The following PEAK1 variants were observed in gnomAD, a reference collection of about 807,000 sequenced individuals.
PEAK1 encodes the protein inactive tyrosine-protein kinase PEAK1.
Under a neutral mutation model 124.7 loss-of-function variants are expected in PEAK1, and 54 were observed. That is an observed-to-expected ratio of 0.43 (90% CI 0.35 to 0.54). The LOEUF is 0.54. Among genes scored for constraint, PEAK1 ranks in the 20% least tolerant of loss-of-function variants. The probability of loss-of-function intolerance (pLI) is 0.01; values close to 1 mark genes in which losing one functional copy is unlikely to be tolerated. For missense variants in PEAK1, 2,046 were observed against 2,134.5 expected (o/e 0.96, Z 0.82); for synonymous variants, 719 against 760.0 (o/e 0.95, Z 0.89).
At chr15:77,249,513 T>C (rs1482322752) in intron 6 of PEAK1, among the ~76,000 whole-genome samples, 1 of 152,146 alleles carries the variant, frequency 6.6e-6, no homozygotes, top group Non-Finnish European at 1.5e-5. Context: ...CTGATTCTAT[T>C]CTCTCTTCAA....
At position 77,180,249 on chromosome 15, in the gene PEAK1, G is replaced by A. The variant is rs879124877; in HGVS notation, c.1678C>T (p.Pro560Ser). The A allele has an allele frequency of 6.2e-7, 1 of 1,614,162 alleles. No homozygotes were observed. Among genetic ancestry groups the A allele is most frequent in the Non-Finnish European group, 8.5e-7 (1 of 1,180,026 alleles). Residue 560 changes from proline to serine, a missense_variant, in exon 7 of 10, where the codon CCT becomes TCT. Coordinates refer to ENST00000682557, the MANE Select transcript of PEAK1 (RefSeq NM_001385026.1). ...GATTTGTGACAGTTTTTCCTTGGAG[G>A]AACATTTGGTCCAGTTCCACTAGTA... ...LITSGTGPNV[P>S]PRKNCHKSAP...
intron 2 of PEAK1, among the ~76,000 whole-genome samples, chr15:77,324,657 C>A (rs967276298): frequency 3.3e-5 from 5 of 152,072 alleles, no homozygotes; most frequent in African/African-American, 1.2e-4. Context: ...AGGAAGCTTA[C>A]AATCATGGCA....
chr15:77,247,433 T>C lies in PEAK1; in HGVS notation c.-115+4934A>G, dbSNP rs116925898. On this transcript the variant is annotated intron_variant, in intron 6 of 9. Transcript: ENST00000682557. Reference sequence around the variant, plus strand: ...GCAGTATCTAACCACTGAGTAATTATATGGGTCATATGGGGTTTTTAATTT... The same window carrying C: ...GCAGTATCTAACCACTGAGTAATTACATGGGTCATATGGGGTTTTTAATTT... 1.6e-3 allele frequency among the ~76,000 whole-genome samples: 247 copies of C among 151,798 alleles called. 5 individuals carry two copies. In the East Asian group the frequency reaches 0.041, roughly 25 times the overall value.
At chr15:77,129,560 C>T (rs572100517) in intron 9 of PEAK1, among the ~76,000 whole-genome samples, 20 of 151,100 alleles carry the variant, frequency 1.3e-4, no homozygotes, top group African/African-American at 2.9e-4. Flanking sequence ...CTCAGCCTCC[C>T]GAGTAACTGG....
chr15:77,352,526 A>G, intron 2 of PEAK1: 1 of 978,982 alleles, frequency 1.0e-6, no homozygotes, highest in Non-Finnish European at 1.2e-6. Context: ...AAAAATACAT[A>G]CATTTTAAAT....
chr15:77,114,972 C>T lies in PEAK1; in HGVS notation c.4425G>A (p.Val1475=). ...EVPCLTVADF[V]RDSLAQHGKS... ...TCCCATGCTGGGCCAGAGAGTCTCG[C>T]ACAAAATCAGCCACAGTAAGACATG... The change falls in exon 10 of 10, where the codon GTG becomes GTA. Residue 1475 remains valine (V), a synonymous_variant. Transcript: ENST00000682557. The T allele has an allele frequency of 1.9e-6, 3 of 1,614,124 alleles. No individual in the cohort carries two copies. The highest frequency in any genetic ancestry group is 2.5e-6 in the Non-Finnish European group (3 of 1,180,032).
At chr15:77,137,247 T>C (rs1596315319) in intron 8 of PEAK1, among the ~76,000 whole-genome samples, 1 of 151,976 alleles carries the variant, frequency 6.6e-6, no homozygotes, top group Non-Finnish European at 1.5e-5. Context: ...AAATGTGGGG[T>C]CGGAGCCCCC....
chr15:77,373,234 C>A (rs541710861), intron 1 of PEAK1, among the ~76,000 whole-genome samples: 19 of 152,260 alleles, frequency 1.2e-4, no homozygotes, highest in African/African-American at 4.6e-4. Flanking sequence ...TTGTTATTTT[C>A]CCCTTTGCTT....
intron 2 of PEAK1, among the ~76,000 whole-genome samples, chr15:77,316,941 C>T (rs1246165927): frequency 2.0e-5 from 3 of 151,894 alleles, no homozygotes; most frequent in East Asian, 3.9e-4. Flanking sequence ...ATTAGCTGGG[C>T]GTGGTGGCGT....
chr15:77,142,314 T>A (rs928909113), intron 8 of PEAK1, among the ~76,000 whole-genome samples: 27 of 152,170 alleles, frequency 1.8e-4, no homozygotes, highest in Non-Finnish European at 2.1e-4. Context: ...CACAGGCAAG[T>A]GTTGGTGAGG....
chr15:77,417,813 T>G (rs2073010840), intron 1 of PEAK1: 2 of 985,462 alleles, frequency 2.0e-6, no homozygotes, highest in South Asian at 4.7e-5. Flanking sequence ...GAAGAGTTAT[T>G]ATATGAAATG....
chr15:77,115,824 A>G (rs1424183517), intron 9 of PEAK1, among the ~76,000 whole-genome samples: 1 of 152,200 alleles, frequency 6.6e-6, no homozygotes, highest in Admixed American at 6.5e-5. Flanking sequence ...CTCACAGCTT[A>G]GGAGAGTGAT....
At chr15:77,130,786 G>A (rs1183934610) in intron 9 of PEAK1, among the ~76,000 whole-genome samples, 1 of 152,196 alleles carries the variant, frequency 6.6e-6, no homozygotes, top group African/African-American at 2.4e-5. Context: ...TACACTCACT[G>A]TAAACATCTG....
chr15:77,280,491 A>G (rs1016306829), intron 5 of PEAK1, among the ~76,000 whole-genome samples: 1 of 152,166 alleles, frequency 6.6e-6, no homozygotes, highest in Non-Finnish European at 1.5e-5. Flanking sequence ...TACCACCTAT[A>G]TAACACTTGA....
chr15:77,264,037 T>C (rs1298198053), intron 5 of PEAK1, among the ~76,000 whole-genome samples: 1 of 152,112 alleles, frequency 6.6e-6, no homozygotes, highest in African/African-American at 2.4e-5. Flanking sequence ...AGAAAAGGCC[T>C]TTGACAAAAT....
chr15:77,306,876 T>C (rs1476060598), intron 2 of PEAK1, among the ~76,000 whole-genome samples: 1 of 152,134 alleles, frequency 6.6e-6, no homozygotes, highest in Non-Finnish European at 1.5e-5. Flanking sequence ...AAATTTGCTG[T>C]CTTTCCACTA....
intron 6 of PEAK1, among the ~76,000 whole-genome samples, chr15:77,220,058 G>A (rs994807503): frequency 6.6e-6 from 1 of 152,056 alleles, no homozygotes; most frequent in Non-Finnish European, 1.5e-5. Context: ...ATTTAGGTAT[G>A]ACAAAAGCAA....
intron 6 of PEAK1, among the ~76,000 whole-genome samples, chr15:77,223,596 G>C (rs557096328): frequency 1.3e-5 from 2 of 152,120 alleles, no homozygotes; most frequent in South Asian, 4.1e-4. Context: ...AAGACAAAAG[G>C]TCTTGTAAAA....
chr15:77,334,976 T>G, intron 2 of PEAK1: 1 of 985,402 alleles, frequency 1.0e-6, no homozygotes, highest in Non-Finnish European at 1.2e-6. Flanking sequence ...CTAGTTGAGC[T>G]ATCCAGCAAT....
Sources: gnomAD v4.1 joint callset for allele counts (sites outside exome capture counted in the v4.1 genomes callset) on GRCh38, gnomAD v4.1.1 for gene constraint, MANE v1.5 for transcripts, NCBI Gene and HGNC (gene_info 2026-07-23, HGNC 2026-07-21) for gene names.